FYN: variants seen among roughly 807,000 people sequenced by gnomAD.
FYN encodes FYN proto-oncogene, Src family tyrosine kinase, also known as tyrosine-protein kinase Fyn.
A neutral mutation model predicts 70.2 loss-of-function variants in FYN; 10 were observed. The observed-to-expected ratio is 0.14, with a 90% CI of 0.09 to 0.24. The LOEUF is 0.24. Ranked by LOEUF, FYN falls within the 10% of genes least tolerant of loss-of-function variation. The pLI is 1.00. For missense variants in FYN, 319 were observed against 673.1 expected, an observed-to-expected ratio of 0.47 and a Z score of 5.82; for synonymous variants, 236 against 248.6, an observed-to-expected ratio of 0.95 and a Z score of 0.48.
At chr6:111,802,737 G>A (rs1040468741) in intron 2 of FYN, among the ~76,000 whole-genome samples, 8 of 150,580 alleles carry the variant, frequency 5.3e-5, no homozygotes, top group African/African-American at 1.7e-4. Context: ...TCCCAATCAG[G>A]TAATTTTTCA....
intron 2 of FYN, among the ~76,000 whole-genome samples, chr6:111,814,768 A>C (rs1275618328): frequency 6.6e-6 from 1 of 152,256 alleles, no homozygotes; most frequent in Non-Finnish European, 1.5e-5. Flanking sequence ...TGGCAATAAA[A>C]TAAAAATAAT....
At chr6:111,721,054 C>T (rs1305702005) in intron 3 of FYN, among the ~76,000 whole-genome samples, 2 of 152,206 alleles carry the variant, frequency 1.3e-5, no homozygotes, top group African/African-American at 2.4e-5. Flanking sequence ...CCACCCGCTT[C>T]GGGCCTTGGA....
intron 3 of FYN, among the ~76,000 whole-genome samples, chr6:111,720,448 A>C (rs56245321): frequency 0.022 from 3,374 of 152,266 alleles, 142 homozygotes; most frequent in African/African-American, 0.077. Context: ...GAATGAGTCT[A>C]TGCAACATTA....
intron 2 of FYN, among the ~76,000 whole-genome samples, chr6:111,842,523 C>A (rs142568390): frequency 6.6e-6 from 1 of 152,216 alleles, no homozygotes; most frequent in Non-Finnish European, 1.5e-5. Context: ...AAGCCAATGT[C>A]CCCCTATTCA....
intron 9 of FYN, among the ~76,000 whole-genome samples, chr6:111,697,530 T>C (rs1799626943): frequency 6.6e-6 from 1 of 152,218 alleles, no homozygotes; most frequent in South Asian, 2.1e-4. Flanking sequence ...AATTACAACA[T>C]GCAACCTACA....
chr6:111,832,239 C>A (rs908295206), intron 2 of FYN, among the ~76,000 whole-genome samples: 2 of 152,104 alleles, frequency 1.3e-5, no homozygotes, highest in South Asian at 4.2e-4. Flanking sequence ...CCAGGGATAG[C>A]GCCGAAGGAC....
At chr6:111,830,431 G>A (rs1216344607) in intron 2 of FYN, among the ~76,000 whole-genome samples, 1 of 152,200 alleles carries the variant, frequency 6.6e-6, no homozygotes, top group African/African-American at 2.4e-5. Flanking sequence ...AAGGAGGTGA[G>A]AGCAAGGTAA....
intron 9 of FYN, among the ~76,000 whole-genome samples, chr6:111,698,424 T>A (rs1799675025): frequency 2.0e-5 from 3 of 152,188 alleles, no homozygotes; most frequent in Admixed American, 2.0e-4. Flanking sequence ...TGAGCCACTG[T>A]GCCCGGCCAC....
chr6:111,849,805 G>A (rs532189438), intron 1 of FYN, among the ~76,000 whole-genome samples: 26 of 152,268 alleles, frequency 1.7e-4, no homozygotes, highest in Non-Finnish European at 3.7e-4. Flanking sequence ...CAGCCTGCAG[G>A]GTCCAGATTA....
chr6:111,755,152 C>G (rs559387380), intron 3 of FYN, among the ~76,000 whole-genome samples: 2 of 151,898 alleles, frequency 1.3e-5, no homozygotes, highest in African/African-American at 4.8e-5. Flanking sequence ...CCTTCAAGCA[C>G]AGGAAAATCA....
intron 3 of FYN, among the ~76,000 whole-genome samples, chr6:111,731,467 CTG>C (rs1298336196): frequency 6.6e-6 from 1 of 152,192 alleles, no homozygotes; most frequent in Non-Finnish European, 1.5e-5. Context: ...GCCACTTGCA[CTG>C]TGTTTTTGGG....
chr6:111,690,793 T>A (rs1799281568), intron 12 of FYN, among the ~76,000 whole-genome samples: 1 of 152,236 alleles, frequency 6.6e-6, no homozygotes, highest in Non-Finnish European at 1.5e-5. Context: ...TTAAATAACT[T>A]GCCTAAGACC....
At chr6:111,662,031 T>C in intron 13 of FYN, 84 bp from the exon 14 acceptor site, 1 of 1,178,912 alleles carries the variant, frequency 8.5e-7, no homozygotes, top group Non-Finnish European at 1.2e-6. Context: ...TTCTTCTTCT[T>C]TGCGTCTGCA....
At chr6:111,826,138 T>C (rs1772827875) in intron 2 of FYN, among the ~76,000 whole-genome samples, 1 of 152,132 alleles carries the variant, frequency 6.6e-6, no homozygotes, top group African/African-American at 2.4e-5. Context: ...GACTGTCAGG[T>C]TCCATTACCC....
intron 1 of FYN, 49 bp from the exon 2 acceptor site, chr6:111,846,678 C>T (rs1209392458): frequency 2.5e-6 from 1 of 398,602 alleles, no homozygotes; most frequent in African/African-American, 2.1e-5. Flanking sequence ...GAACCAAGTA[C>T]TCTCTGCCTA....
chr6:111,790,861 A>G (rs1293679996), intron 2 of FYN, among the ~76,000 whole-genome samples: 1 of 152,226 alleles, frequency 6.6e-6, no homozygotes, highest in African/African-American at 2.4e-5. Context: ...AACAAAAGAT[A>G]TGTAAGACTT....
chr6:111,684,861 G>A (rs534535493), intron 12 of FYN, among the ~76,000 whole-genome samples: 21 of 152,276 alleles, frequency 1.4e-4, no homozygotes, highest in African/African-American at 5.1e-4. Context: ...TATTTAAGTG[G>A]TTATCTTGGG....
In FYN at chr6:111,661,872, G is replaced by C; in HGVS notation, c.1481C>G (p.Ser494Cys). ...RMPCPQDCPI[S>C]LHELMIHCWK... ...GCAGTGGATCATGAGCTCATGCAGA[G>C]AGATGGGGCAGTCCTGCGGGCAGGG... is the stretch of plus-strand genomic sequence containing the variant. Residue 494 changes from serine to cysteine, a missense_variant, in exon 14 of 14, where the codon TCT becomes TGT. By Grantham distance (112) the Ser-to-Cys change is moderately radical. Coordinates refer to ENST00000354650, the MANE Select transcript of FYN (RefSeq NM_002037.5). The surrounding 1 kb of genome is among the most constrained non-coding windows in gnomAD (Gnocchi z 4.0). 6.2e-7 allele frequency: 1 copy of C among 1,614,194 alleles called. No individual in the cohort carries two copies. The highest frequency in any genetic ancestry group is 8.5e-7 in the Non-Finnish European group (1 of 1,180,028).
At chr6:111,753,503 A>G (rs1322038370) in intron 3 of FYN, among the ~76,000 whole-genome samples, 1 of 152,152 alleles carries the variant, frequency 6.6e-6, no homozygotes, top group Admixed American at 6.5e-5. Flanking sequence ...TGTATGGTGA[A>G]ATATTCAGAT....
Sources: gnomAD v4.1 joint callset for allele counts (sites outside exome capture counted in the v4.1 genomes callset) on GRCh38, gnomAD v4.1.1 for gene constraint, Gnocchi (gnomAD v3.1) non-coding constraint, MANE v1.5 for transcripts, NCBI Gene and HGNC (gene_info 2026-07-23, HGNC 2026-07-21) for gene names.